The following ZC3H14 variants were observed in gnomAD, a reference collection of about 807,000 sequenced individuals.
The protein encoded by ZC3H14 is zinc finger CCCH domain-containing protein 14.
In ZC3H14, 31 loss-of-function variants were observed where a neutral mutation model predicts 92.4. The observed-to-expected ratio is 0.34, with a 90% CI of 0.25 to 0.45. ZC3H14 has a LOEUF of 0.45. Among genes scored for constraint, ZC3H14 ranks in the 20% least tolerant of loss-of-function variants. ZC3H14 has a pLI of 1.00. For missense variants in ZC3H14, 781 were observed against 897.3 expected, an observed-to-expected ratio of 0.87 and a Z score of 1.66; for synonymous variants, 321 against 300.9, an observed-to-expected ratio of 1.07 and a Z score of -0.69.
rs979655586 is a variant in ZC3H14 at position 88,615,650 on chromosome 14, T to C, written c.*3899T>C. 6 of 615,540 alleles carry C rather than the reference T, an allele frequency of 9.7e-6. No homozygotes were observed. Among genetic ancestry groups the C allele is most frequent in the East Asian group, 5.6e-5 (2 of 35,588 alleles). 38.1% of individuals were successfully genotyped at this position (615,540 alleles called of 1,614,324 possible). ...GATTACGGATTATACCCAGTGCATA[T>C]AGCAAATATTTTGAACAGATCAGTC... is the stretch of plus-strand genomic sequence containing the variant. On this transcript the variant is annotated 3_prime_UTR_variant, in exon 17 of 17. Coordinates refer to ENST00000251038, the MANE Select transcript of ZC3H14 (RefSeq NM_024824.5).
intron 6 of ZC3H14, among the ~76,000 whole-genome samples, chr14:88,573,483 G>T: frequency 6.6e-6 from 1 of 152,066 alleles, no homozygotes; most frequent in Non-Finnish European, 1.5e-5. Flanking sequence ...GCCCAGGCTG[G>T]AGTGTGATGG....
chr14:88,598,216 G>A (rs1309947757), intron 10 of ZC3H14, among the ~76,000 whole-genome samples: 1 of 152,028 alleles, frequency 6.6e-6, no homozygotes, highest in Non-Finnish European at 1.5e-5. Context: ...ATGAGTTGGG[G>A]CATGGGGCAC....
chr14:88,602,112 A>G, intron 11 of ZC3H14, 29 bp downstream of exon 11: 1 of 1,612,824 alleles, frequency 6.2e-7, no homozygotes, highest in Non-Finnish European at 8.5e-7. Flanking sequence ...TTGTGTAGTT[A>G]ATTTGTGTGA....
chr14:88,567,923 C>A, intron 2 of ZC3H14, 116 bp from the exon 3 acceptor site: 1 of 822,482 alleles, frequency 1.2e-6, no homozygotes, highest in Non-Finnish European at 2.1e-6. Context: ...CAATGTAATT[C>A]CAGTAGAGCT....
chr14:88,568,187 G>C (rs1233967393), intron 3 of ZC3H14, 34 bp downstream of exon 3: 1 of 1,567,712 alleles, frequency 6.4e-7, no homozygotes, highest in Non-Finnish European at 8.8e-7. Flanking sequence ...TCAGACCAAA[G>C]TTTGGCACAA....
intron 9 of ZC3H14, chr14:88,589,505 C>G (rs751422013): frequency 2.6e-5 from 4 of 152,168 alleles, no homozygotes; most frequent in Non-Finnish European, 4.4e-5. Flanking sequence ...CAGCCTGGAC[C>G]TTGCCCTGAA....
Position 88,621,004 on chromosome 14 carries a change from C to A in ZC3H14, c.*9253C>A. ...CTTCTAAATTATACCAGTTTCCCCT[C>A]AAAATGCTCAACAGAATTCTGGCAG... On this transcript the variant is annotated 3_prime_UTR_variant, in exon 17 of 17. Coordinates refer to ENST00000251038, the MANE Select transcript of ZC3H14 (RefSeq NM_024824.5). The A allele has an allele frequency of 1.4e-6, 2 of 1,470,270 alleles. No individual in the cohort carries two copies. The highest frequency in any genetic ancestry group is 9.0e-7 in the Non-Finnish European group (1 of 1,112,030). 91.1% of individuals were successfully genotyped at this position (1,470,270 alleles called of 1,614,324 possible).
chr14:88,603,179 C>T, intron 12 of ZC3H14, 119 bp downstream of exon 12: 1 of 990,018 alleles, frequency 1.0e-6, no homozygotes, highest in Non-Finnish European at 1.5e-6. Flanking sequence ...TCAGTAATGG[C>T]CTTTTTTCTT....
intron 2 of ZC3H14, among the ~76,000 whole-genome samples, chr14:88,567,612 G>C (rs115060315): frequency 0.015 from 2,214 of 152,152 alleles, 43 homozygotes; most frequent in African/African-American, 0.044. Flanking sequence ...ATTGAAACCT[G>C]CCTTTAGCAA....
intron 9 of ZC3H14, chr14:88,590,410 C>G (rs2082979829): frequency 6.5e-6 from 1 of 153,168 alleles, no homozygotes. Flanking sequence ...CTTGCTGCTG[C>G]TCCTGCACAC....
Position 88,624,800 on chromosome 14 carries a change from A to C in ZC3H14, c.*13049A>C. The stretch of plus-strand genomic sequence containing the variant: ...AAAAAATTGGAAGTGAATTAAGACC[A>C]GAAATGAGAATCAAATAGAAGGCAC... On this transcript the variant is annotated 3_prime_UTR_variant, in exon 17 of 17. Coordinates refer to ENST00000251038, the MANE Select transcript of ZC3H14 (RefSeq NM_024824.5). The C allele has an allele frequency of 1.3e-6, 1 of 759,724 alleles. No homozygotes were observed. Among genetic ancestry groups the C allele is most frequent in the East Asian group, 2.8e-5 (1 of 35,240 alleles). 47.1% of individuals were successfully genotyped at this position (759,724 alleles called of 1,614,324 possible).
Position 88,602,034 on chromosome 14 carries a change from A to G in ZC3H14, c.1465A>G (p.Lys489Glu). 6.2e-7 allele frequency: 1 copy of G among 1,614,176 alleles called. No homozygotes were observed. Among genetic ancestry groups the G allele is most frequent in the Non-Finnish European group, 8.5e-7 (1 of 1,180,016 alleles). The change falls in exon 11 of 17, where the codon AAG becomes GAG. Residue 489 changes from lysine to glutamate, a missense_variant. Physicochemically the swap from Lys to Glu is moderately conservative, Grantham distance 56. Coordinates refer to ENST00000251038, the MANE Select transcript of ZC3H14 (RefSeq NM_024824.5). ...VVAPNQESGM[K>E]TADSLRVLSG... is the part of the protein sequence containing the mutation. Reference sequence around the variant, plus strand: ...GGCACCAAACCAAGAGTCGGGGATGAAGACTGCAGATTCCCTTCGGGTACT... The same window carrying G: ...GGCACCAAACCAAGAGTCGGGGATGGAGACTGCAGATTCCCTTCGGGTACT...
At chr14:88,606,195 C>T (rs1027986137) in intron 12 of ZC3H14, among the ~76,000 whole-genome samples, 1 of 152,160 alleles carries the variant, frequency 6.6e-6, no homozygotes, top group African/African-American at 2.4e-5. Flanking sequence ...GCCAGCATTA[C>T]AATTTCGATG....
chr14:88,573,075 G>T, intron 6 of ZC3H14, 68 bp downstream of exon 6: 1 of 1,549,636 alleles, frequency 6.5e-7, no homozygotes, highest in South Asian at 1.1e-5. Flanking sequence ...AATAATATAT[G>T]AAGTAACTAA....
intron 12 of ZC3H14, among the ~76,000 whole-genome samples, chr14:88,605,021 G>C (rs1240433279): frequency 6.6e-6 from 1 of 152,202 alleles, no homozygotes; most frequent in Non-Finnish European, 1.5e-5. Context: ...GTTTTTAAAA[G>C]AAAGATAAAG....
Position 88,618,967 on chromosome 14 carries a change from T to C in ZC3H14, c.*7216T>C, listed in dbSNP as rs944217592. 1.4e-5 allele frequency: 8 copies of C among 572,582 alleles called. No homozygotes were observed. The highest frequency in any genetic ancestry group is 4.3e-5 in the South Asian group (1 of 23,266). 35.5% of individuals were successfully genotyped at this position (572,582 alleles called of 1,614,324 possible). A position where few individuals can be genotyped will look rare whatever the true frequency, so the allele number is the denominator to read the frequency against. ...ACACAACTGATCATGTATACTGAGATTGTCTGGGTTACATGAAATAAGGAA... is the reference window on the plus strand; with the variant it reads ...ACACAACTGATCATGTATACTGAGACTGTCTGGGTTACATGAAATAAGGAA... On this transcript the variant is annotated 3_prime_UTR_variant, in exon 17 of 17. Coordinates refer to ENST00000251038, the MANE Select transcript of ZC3H14 (RefSeq NM_024824.5).
intron 9 of ZC3H14, chr14:88,595,009 T>C: frequency 6.2e-7 from 1 of 1,613,786 alleles, no homozygotes; most frequent in Non-Finnish European, 8.5e-7. Context: ...TTCAACAACA[T>C]ATGAATGCAA....
chr14:88,615,069 C>T lies in ZC3H14; in HGVS notation c.*3318C>T, dbSNP rs926511201. ...CCATTGGGAATGATTGTTCATCATA[C>T]TACTTTTCCATTAGTGAGGCTACAG... On this transcript the variant is annotated 3_prime_UTR_variant, in exon 17 of 17. Transcript: ENST00000251038. 1 of 152,178 alleles carries T rather than the reference C, an allele frequency of 6.6e-6. No individual in the cohort carries two copies. Among genetic ancestry groups the T allele is most frequent in the Admixed American group, 6.5e-5 (1 of 15,274 alleles). The allele number at this position is 152,178 out of a possible 1,614,324, so 9.4% of individuals were successfully genotyped here.
Position 88,615,656 on chromosome 14 carries a change from A to G in ZC3H14, c.*3905A>G, listed in dbSNP as rs149196497. ...GGATTATACCCAGTGCATATAGCAA[A>G]TATTTTGAACAGATCAGTCTTTCAC... On this transcript the variant is annotated 3_prime_UTR_variant, in exon 17 of 17. Coordinates refer to ENST00000251038, the MANE Select transcript of ZC3H14 (RefSeq NM_024824.5). 271 of 637,244 alleles carry G rather than the reference A, an allele frequency of 4.3e-4. No individual in the cohort carries two copies. In the African/African-American group the frequency reaches 4.5e-3, roughly 11 times the overall value. 39.5% of individuals were successfully genotyped at this position (637,244 alleles called of 1,614,324 possible). A position where few individuals can be genotyped will look rare whatever the true frequency, so the allele number is the denominator to read the frequency against.
Sources: allele counts gnomAD v4.1 joint callset (sites outside exome capture counted in the v4.1 genomes callset), GRCh38; gene constraint gnomAD v4.1.1; transcripts MANE v1.5; gene names NCBI Gene and HGNC (gene_info 2026-07-23, HGNC 2026-07-21).